The following IKZF1 variants were observed in gnomAD, a reference collection of about 807,000 sequenced individuals.
IKZF1 encodes the protein DNA-binding protein Ikaros.
A neutral mutation model predicts 51.7 loss-of-function variants in IKZF1; 10 were observed. The ratio of observed to expected loss-of-function variants is 0.19; its 90% CI spans 0.12 to 0.33. The LOEUF is 0.33. IKZF1 is among the 10% of genes least tolerant of loss of function. IKZF1 has a pLI of 1.00. For synonymous variants in IKZF1, 280 were observed against 282.3 expected (o/e 0.99, Z 0.08); for missense variants, 484 against 707.5 (o/e 0.68, Z 3.58).
chr7:50,387,850 G>A (rs1271293849), intron 6 of IKZF1, among the ~76,000 whole-genome samples: 1 of 152,116 alleles, frequency 6.6e-6, no homozygotes, highest in Non-Finnish European at 1.5e-5. Flanking sequence ...GTAAAATATT[G>A]TTTTGAAACA....
intron 3 of IKZF1, among the ~76,000 whole-genome samples, chr7:50,361,952 A>C (rs1173266480): frequency 1.3e-5 from 2 of 152,240 alleles, no homozygotes; most frequent in African/African-American, 4.8e-5. Context: ...ACTCTTTAGA[A>C]GTACCCATTT....
Position 50,403,905 on chromosome 7 carries a change from T to A in IKZF1, c.*3278T>A. On this transcript the variant is annotated 3_prime_UTR_variant, in exon 8 of 8. Transcript: ENST00000331340. ...AAACGCGAGATGAACTGGACTTATG[T>A]AGACAAATCGTGATGCCAGTGTATC... The A allele has an allele frequency of 4.6e-6, 1 of 218,234 alleles. No homozygotes were observed. The highest frequency in any genetic ancestry group is 9.2e-6 in the Non-Finnish European group (1 of 108,344). 13.5% of individuals were successfully genotyped at this position (218,234 alleles called of 1,614,324 possible).
At chr7:50,310,071 G>A (rs1250615104) in intron 1 of IKZF1, among the ~76,000 whole-genome samples, 3 of 152,156 alleles carry the variant, frequency 2.0e-5, no homozygotes, top group African/African-American at 7.2e-5. Context: ...TTGATAAATC[G>A]TATATTCTAT....
At chr7:50,319,623 A>T (rs1334468587) in intron 2 of IKZF1, among the ~76,000 whole-genome samples, 4 of 152,170 alleles carry the variant, frequency 2.6e-5, no homozygotes, top group African/African-American at 9.7e-5. Context: ...TAGGTCACAG[A>T]CTGTGACCAT....
intron 3 of IKZF1, among the ~76,000 whole-genome samples, chr7:50,353,312 A>C (rs1802354064): frequency 6.6e-6 from 1 of 152,320 alleles, no homozygotes; most frequent in South Asian, 2.1e-4. Context: ...CAGTTCTGCC[A>C]GCCACACTCT....
chr7:50,404,496 A>G lies in IKZF1; in HGVS notation c.*3869A>G, dbSNP rs139000471. On this transcript the variant is annotated 3_prime_UTR_variant, in exon 8 of 8. Coordinates refer to ENST00000331340, the MANE Select transcript of IKZF1 (RefSeq NM_006060.6). ...TAAGAGAAGGCCCAGCAGAGCAGGA[A>G]TCTGCCTAGACTTTCTCCCAATGAG... 1.7e-5 allele frequency: 4 copies of G among 229,790 alleles called. No homozygotes were observed. Among genetic ancestry groups the G allele is most frequent in the African/African-American group, 6.6e-5 (3 of 45,276 alleles). 14.2% of individuals were successfully genotyped at this position (229,790 alleles called of 1,614,324 possible).
chr7:50,319,329 G>GA (rs1013296672), intron 2 of IKZF1, among the ~76,000 whole-genome samples: 31 of 148,682 alleles, frequency 2.1e-4, no homozygotes, highest in African/African-American at 2.7e-4. Context: ...TAAACTTCAG[G>GA]AAAAAAAAAC....
chr7:50,311,260 C>A (rs946928887), intron 1 of IKZF1, among the ~76,000 whole-genome samples: 1 of 152,128 alleles, frequency 6.6e-6, no homozygotes, highest in Non-Finnish European at 1.5e-5. Context: ...GCCAAAGCAG[C>A]CTTTTATATT....
At chr7:50,349,699 G>A (rs1196937011) in intron 3 of IKZF1, among the ~76,000 whole-genome samples, 7 of 152,042 alleles carry the variant, frequency 4.6e-5, no homozygotes, top group Non-Finnish European at 1.0e-4. Flanking sequence ...GAATGGGTGG[G>A]GAGTTATTGG....
chr7:50,348,748 G>A (rs149928502), intron 3 of IKZF1, among the ~76,000 whole-genome samples: 1,795 of 152,344 alleles, frequency 0.012, 150 homozygotes, highest in Admixed American at 0.11. Context: ...ATCTCAACAA[G>A]CGATTTGTTA....
intron 5 of IKZF1, among the ~76,000 whole-genome samples, chr7:50,383,735 G>A (rs1295611742): frequency 1.3e-5 from 2 of 152,216 alleles, no homozygotes; most frequent in African/African-American, 4.8e-5. Context: ...CGGTGCCCTG[G>A]GGGATGGCAA....
intron 3 of IKZF1, among the ~76,000 whole-genome samples, chr7:50,374,030 C>T (rs1809510324): frequency 3.3e-5 from 5 of 152,318 alleles, no homozygotes; most frequent in African/African-American, 4.8e-5. Flanking sequence ...CTGCATAATG[C>T]CAGGATCTGA....
intron 3 of IKZF1, among the ~76,000 whole-genome samples, chr7:50,344,898 T>C (rs886851432): frequency 6.6e-6 from 1 of 151,906 alleles, no homozygotes; most frequent in African/African-American, 2.4e-5. Flanking sequence ...CTTACACAGA[T>C]GAGGGGAAAA....
At chr7:50,348,583 G>T (rs1176480561) in intron 3 of IKZF1, among the ~76,000 whole-genome samples, 2 of 152,174 alleles carry the variant, frequency 1.3e-5, no homozygotes, top group Non-Finnish European at 2.9e-5. Context: ...CAGAGGCCCT[G>T]CCCACTTGAA....
At chr7:50,344,442 A>G (rs1246498400) in intron 3 of IKZF1, among the ~76,000 whole-genome samples, 4 of 152,106 alleles carry the variant, frequency 2.6e-5, no homozygotes, top group Admixed American at 6.5e-5. Context: ...CACATCCCCA[A>G]CCCACAGGGC....
chr7:50,400,766 T>G lies in IKZF1; in HGVS notation c.*139T>G. 1 of 1,178,552 alleles carries G rather than the reference T, an allele frequency of 8.5e-7. No homozygotes were observed. Among genetic ancestry groups the G allele is most frequent in the African/African-American group, 1.5e-5 (1 of 64,534 alleles). 73.0% of individuals were successfully genotyped at this position (1,178,552 alleles called of 1,614,324 possible). On this transcript the variant is annotated 3_prime_UTR_variant, in exon 8 of 8. Transcript: ENST00000331340. This position sits in a 1 kb window ranked among gnomAD's most constrained non-coding sequence, Gnocchi z 5.4. Reference sequence around the variant, plus strand: ...TTTGGATTTGTAACTGTTTTTTGTTTTTTGTTTGAGTTGGTTGATTGGGGT... The same window carrying G: ...TTTGGATTTGTAACTGTTTTTTGTTGTTTGTTTGAGTTGGTTGATTGGGGT...
rs1364462751 is a variant in IKZF1 at position 50,373,566 on chromosome 7, G to A, written c.161-2967G>A. On this transcript the variant is annotated intron_variant, in intron 3 of 7. Transcript: ENST00000331340. ...GGCCTACACCTTCGCTATAGCCCTC[G>A]TCTTAGCGCCTGTATTTGAAAAACT... Among the ~76,000 whole-genome samples, 6 of 152,194 alleles carry A rather than the reference G, an allele frequency of 3.9e-5. No homozygotes were observed. In the South Asian group the frequency reaches 6.2e-4, roughly 16 times the overall value.
At chr7:50,388,972 A>T (rs1215595568) in intron 6 of IKZF1, among the ~76,000 whole-genome samples, 1 of 152,238 alleles carries the variant, frequency 6.6e-6, no homozygotes, top group African/African-American at 2.4e-5. Flanking sequence ...ATATACACAT[A>T]GAATTGAAAA....
At chr7:50,367,745 T>C (rs1001217079) in intron 3 of IKZF1, 2 of 438,414 alleles carry the variant, frequency 4.6e-6, no homozygotes, top group Non-Finnish European at 8.3e-6. Context: ...TCTAAGATGT[T>C]GAACCCATCA....
Sources: allele counts gnomAD v4.1 joint callset (sites outside exome capture counted in the v4.1 genomes callset), GRCh38; gene constraint gnomAD v4.1.1; non-coding constraint Gnocchi (gnomAD v3.1); transcripts MANE v1.5; gene names NCBI Gene and HGNC (gene_info 2026-07-23, HGNC 2026-07-21).